Variants in PDZRN3 observed in about 807,000 individuals in gnomAD.
PDZRN3 encodes the protein E3 ubiquitin-protein ligase PDZRN3.
PDZRN3 carries 38 observed loss-of-function variants against 85.7 expected under a neutral mutation model. That is an observed-to-expected ratio of 0.44 (90% CI 0.34 to 0.58). The LOEUF (loss-of-function observed/expected upper bound fraction) is 0.58, where lower values mean the gene tolerates loss of function less well. PDZRN3 is among the 20% of genes least tolerant of loss of function. The pLI, the probability that PDZRN3 is intolerant of heterozygous loss-of-function variation, is 0.01. For synonymous variants in PDZRN3, 759 were observed against 638.0 expected (o/e 1.19, Z -2.86); for missense variants, 1,629 against 1,506.4 (o/e 1.08, Z -1.35).
intron 3 of PDZRN3, among the ~76,000 whole-genome samples, chr3:73,544,896 T>A (rs945159539): frequency 6.6e-6 from 1 of 152,144 alleles, no homozygotes; most frequent in Non-Finnish European, 1.5e-5. Context: ...AGATTTGATA[T>A]GAAAACTAAA....
chr3:73,434,098 C>T (rs1559677687), intron 3 of PDZRN3: 2 of 288,944 alleles, frequency 6.9e-6, no homozygotes, highest in Non-Finnish European at 1.0e-5. Context: ...GCTATAATTG[C>T]CAACTATGAC....
chr3:73,528,151 C>T (rs376329136), intron 3 of PDZRN3, among the ~76,000 whole-genome samples: 1 of 152,170 alleles, frequency 6.6e-6, no homozygotes, highest in African/African-American at 2.4e-5. Context: ...TTATTACTGA[C>T]GTGGTTGCCT....
At chr3:73,474,554 G>C in intron 3 of PDZRN3, 2 of 1,286,932 alleles carry the variant, frequency 1.6e-6, no homozygotes, top group Non-Finnish European at 2.0e-6. Flanking sequence ...AATTGACTCA[G>C]TGAAGCAAGG....
chr3:73,585,555 G>A (rs929566069), intron 3 of PDZRN3, among the ~76,000 whole-genome samples: 6 of 152,008 alleles, frequency 3.9e-5, no homozygotes, highest in African/African-American at 2.4e-5. Flanking sequence ...CCCCTTTGCC[G>A]CACCCCCACA....
At chr3:73,618,401 G>A (rs1379926701) in intron 1 of PDZRN3, among the ~76,000 whole-genome samples, 1 of 152,070 alleles carries the variant, frequency 6.6e-6, no homozygotes. Flanking sequence ...GTGTGAGCTC[G>A]GAGATGGGCC....
chr3:73,489,734 G>A (rs1392536503), intron 3 of PDZRN3, among the ~76,000 whole-genome samples: 1 of 151,744 alleles, frequency 6.6e-6, no homozygotes, highest in Non-Finnish European at 1.5e-5. Context: ...CACCATGCTG[G>A]GCTAATTTTT....
intron 3 of PDZRN3, among the ~76,000 whole-genome samples, chr3:73,586,249 T>C (rs919960247): frequency 4.6e-5 from 7 of 152,268 alleles, no homozygotes; most frequent in Non-Finnish European, 8.8e-5. Context: ...GGGAGAGATA[T>C]CTATTTTAAC....
At chr3:73,412,193 GGT>G (rs760356397) in intron 3 of PDZRN3, among the ~76,000 whole-genome samples, 12 of 152,330 alleles carry the variant, frequency 7.9e-5, no homozygotes, top group African/African-American at 1.2e-4. Context: ...GAAGGAGGAA[GGT>G]GTGGTTAGGT....
At chr3:73,454,894 T>C (rs1471435057) in intron 3 of PDZRN3, among the ~76,000 whole-genome samples, 2 of 142,494 alleles carry the variant, frequency 1.4e-5, no homozygotes, top group Non-Finnish European at 3.0e-5. Context: ...GTTTCTTCAT[T>C]TTTTTTTTTT....
At chr3:73,460,500 C>A (rs562970002) in intron 3 of PDZRN3, among the ~76,000 whole-genome samples, 1 of 152,166 alleles carries the variant, frequency 6.6e-6, no homozygotes. Context: ...TTCATCTTGA[C>A]CATCCACTGG....
intron 3 of PDZRN3, among the ~76,000 whole-genome samples, chr3:73,512,926 A>G (rs949369769): frequency 6.6e-6 from 1 of 152,244 alleles, no homozygotes; most frequent in African/African-American, 2.4e-5. Context: ...ATTTTCTACC[A>G]TACACATGGA....
intron 3 of PDZRN3, among the ~76,000 whole-genome samples, chr3:73,482,054 G>T (rs770165497): frequency 1.3e-5 from 2 of 152,132 alleles, no homozygotes; most frequent in Non-Finnish European, 2.9e-5. Flanking sequence ...ATTGACAGTG[G>T]CTGCCTGGAG....
chr3:73,582,689 G>A (rs530404304), intron 3 of PDZRN3, among the ~76,000 whole-genome samples: 22 of 152,084 alleles, frequency 1.4e-4, no homozygotes, highest in Non-Finnish European at 3.1e-4. Flanking sequence ...AGCCAGATAT[G>A]GATTTGGATC....
chr3:73,623,488 T>G (rs1300016608), intron 1 of PDZRN3: 1 of 152,280 alleles, frequency 6.6e-6, no homozygotes, highest in Admixed American at 6.5e-5. Flanking sequence ...AGTTTCCAAC[T>G]TTAGAGAGGT....
chr3:73,445,409 G>T (rs1186080203), intron 3 of PDZRN3, among the ~76,000 whole-genome samples: 2 of 152,058 alleles, frequency 1.3e-5, no homozygotes, highest in African/African-American at 4.8e-5. Context: ...TCACCCAGAA[G>T]ATAAAACAAG....
chr3:73,433,928 G>T, intron 3 of PDZRN3: 1 of 1,400,088 alleles, frequency 7.1e-7, no homozygotes, highest in Non-Finnish European at 9.3e-7. Context: ...GCACGCGCGT[G>T]CACACACACA....
At chr3:73,414,453 C>G (rs1173005215) in intron 3 of PDZRN3, among the ~76,000 whole-genome samples, 1 of 151,918 alleles carries the variant, frequency 6.6e-6, no homozygotes, top group African/African-American at 2.4e-5. Context: ...GTTTTGTTTT[C>G]TATCCAAAGA....
At chr3:73,455,836 C>G (rs1702965950) in intron 3 of PDZRN3, among the ~76,000 whole-genome samples, 1 of 152,220 alleles carries the variant, frequency 6.6e-6, no homozygotes, top group Admixed American at 6.5e-5. Flanking sequence ...CTCTGACCCC[C>G]TGCTAATTTT....
chr3:73,580,857 AT>A (rs1298762879), intron 3 of PDZRN3, among the ~76,000 whole-genome samples: 1 of 152,176 alleles, frequency 6.6e-6, no homozygotes, highest in Non-Finnish European at 1.5e-5. Context: ...TGTTACTGCT[AT>A]TTTCCCAGAG....
Sources: gnomAD v4.1 joint callset for allele counts (sites outside exome capture counted in the v4.1 genomes callset) on GRCh38, gnomAD v4.1.1 for gene constraint, MANE v1.5 for transcripts, NCBI Gene and HGNC (gene_info 2026-07-23, HGNC 2026-07-21) for gene names.